Variants in THRAP3 observed in about 807,000 individuals in gnomAD.
THRAP3 encodes the protein thyroid hormone receptor-associated protein 3.
A neutral mutation model predicts 101.0 loss-of-function variants in THRAP3; 16 were observed. The observed-to-expected ratio is 0.16, with a 90% CI of 0.11 to 0.24. THRAP3 has a LOEUF of 0.24. Among genes scored for constraint, THRAP3 ranks in the 10% least tolerant of loss-of-function variants. The probability of loss-of-function intolerance (pLI) is 1.00; values close to 1 mark genes in which losing one functional copy is unlikely to be tolerated. For synonymous variants in THRAP3, 407 were observed against 422.6 expected (o/e 0.96, Z 0.45); for missense variants, 989 against 1,202.7 (o/e 0.82, Z 2.63).
intron 2 of THRAP3, among the ~76,000 whole-genome samples, chr1:36,278,145 A>G (rs1303885413): frequency 6.8e-6 from 1 of 147,990 alleles, no homozygotes; most frequent in Non-Finnish European, 1.5e-5. Flanking sequence ...GCTCACTGCA[A>G]CTTCCACCTC....
At chr1:36,236,229 A>G (rs1645086446) in intron 1 of THRAP3, among the ~76,000 whole-genome samples, 1 of 132,356 alleles carries the variant, frequency 7.6e-6, no homozygotes, top group African/African-American at 2.7e-5. Flanking sequence ...CAAAAGAAAA[A>G]AAAAAAAAAA....
chr1:36,304,239 G>A lies in THRAP3; in HGVS notation c.*222G>A. The A allele has an allele frequency of 2.0e-6, 1 of 502,976 alleles. No homozygotes were observed. The highest frequency in any genetic ancestry group is 3.3e-6 in the Non-Finnish European group (1 of 304,510). The allele number at this position is 502,976 out of a possible 1,614,324, so 31.2% of individuals were successfully genotyped here. A position where few individuals can be genotyped will look rare whatever the true frequency, so the allele number is the denominator to read the frequency against. On this transcript the variant is annotated 3_prime_UTR_variant, in exon 12 of 12. Coordinates refer to ENST00000354618, the MANE Select transcript of THRAP3 (RefSeq NM_005119.4). Reference sequence around the variant, plus strand: ...AGGGGTCAGGCCCAGCTTTTGAGCAGAATACAACGCATTGGGCTTTAGCTG... The same window carrying A: ...AGGGGTCAGGCCCAGCTTTTGAGCAAAATACAACGCATTGGGCTTTAGCTG...
rs1403768033 is a variant in THRAP3 at position 36,289,348 on chromosome 1, A to G, written c.1329A>G (p.Glu443=). 4 of 1,614,036 alleles carry G rather than the reference A, an allele frequency of 2.5e-6. No homozygotes were observed. The highest frequency in any genetic ancestry group is 3.4e-6 in the Non-Finnish European group (4 of 1,180,024). ...QDKDKAKGRK[E]SEFDDEPKFM... ...AGGACAAAGCTAAGGGAAGAAAGGA[A>G]TCTGAGTTTGATGATGAACCCAAAT... Residue 443 remains glutamate (E), a synonymous_variant, in exon 5 of 12, where the codon GAA becomes GAG. Transcript: ENST00000354618.
At chr1:36,209,027 A>T in the THRAP3 span, among the ~76,000 whole-genome samples, 9 of 117,918 alleles carry the variant, frequency 7.6e-5, no homozygotes, top group Admixed American at 9.7e-4. Context: ...CCCAGGCTGG[A>T]GTGCAGTGAT....
chr1:36,286,889 C>T lies in THRAP3; in HGVS notation c.659C>T (p.Ser220Leu), dbSNP rs756911545. The change falls in exon 4 of 12, where the codon TCG becomes TTG. Residue 220 changes from serine to leucine, a missense_variant. Transcript: ENST00000354618. The surrounding 1 kb of genome is among the most constrained non-coding windows in gnomAD (Gnocchi z 5.5). ...CAAGATACAAAAGCATCTGAGAGCT[C>T]GAAGCCATGGCCAGATGCCACCTAC... ...TSQDTKASES[S>L]KPWPDATYGT... The T allele has an allele frequency of 8.7e-6, 14 of 1,613,892 alleles. No individual in the cohort carries two copies. The highest frequency in any genetic ancestry group is 1.7e-5 in the Admixed American group (1 of 59,998).
In THRAP3 at chr1:36,289,690, A is replaced by G. The variant is rs900539950; in HGVS notation, c.1671A>G (p.Gly557=). 5.0e-6 allele frequency: 8 copies of G among 1,614,146 alleles called. No individual in the cohort carries two copies. The highest frequency in any genetic ancestry group is 6.8e-6 in the Non-Finnish European group (8 of 1,179,998). ...KLGAKGDFPT[G]KSSFSITREA... is the part of the protein sequence containing the mutation. Reference sequence around the variant, plus strand: ...GAGCGAAAGGAGATTTTCCCACAGGAAAGTCTTCCTTTTCCATTACTCGAG... The same window carrying G: ...GAGCGAAAGGAGATTTTCCCACAGGGAAGTCTTCCTTTTCCATTACTCGAG... Residue 557 remains glycine (G), a synonymous_variant, in exon 5 of 12, where the codon GGA becomes GGG. Transcript: ENST00000354618.
chr1:36,270,349 G>A (rs1181660037), intron 2 of THRAP3, among the ~76,000 whole-genome samples: 1 of 151,958 alleles, frequency 6.6e-6, no homozygotes, highest in East Asian at 1.9e-4. Flanking sequence ...AGCTATAATC[G>A]AGCCACTGCA....
intron 2 of THRAP3, among the ~76,000 whole-genome samples, chr1:36,279,098 T>G (rs12744171): frequency 6.6e-6 from 1 of 152,164 alleles, no homozygotes; most frequent in Non-Finnish European, 1.5e-5. Flanking sequence ...AATTGTTAAG[T>G]TTGGCTCTGT....
chr1:36,276,614 T>C (rs1645664264), intron 2 of THRAP3, among the ~76,000 whole-genome samples: 1 of 151,388 alleles, frequency 6.6e-6, no homozygotes, highest in African/African-American at 2.4e-5. Flanking sequence ...CCCAGCACTT[T>C]GGGAGGCTGA....
At chr1:36,298,939 T>A (rs1645994967) in intron 9 of THRAP3, among the ~76,000 whole-genome samples, 1 of 152,076 alleles carries the variant, frequency 6.6e-6, no homozygotes, top group Non-Finnish European at 1.5e-5. Flanking sequence ...GGACTACAGG[T>A]GTACACCATC....
chr1:36,209,636 T>A, the THRAP3 span, among the ~76,000 whole-genome samples: 1 of 152,128 alleles, frequency 6.6e-6, no homozygotes, highest in Admixed American at 6.6e-5. Flanking sequence ...AGCAAGTAGC[T>A]TGGAGGAGAT....
intron 1 of THRAP3, among the ~76,000 whole-genome samples, chr1:36,236,753 C>T (rs1645094605): frequency 6.6e-6 from 1 of 152,216 alleles, no homozygotes; most frequent in Non-Finnish European, 1.5e-5. Context: ...TACCTCTCAG[C>T]CCACAATGGA....
upstream of THRAP3, among the ~76,000 whole-genome samples, chr1:36,222,252 C>T (rs148067468): frequency 2.8e-4 from 43 of 152,132 alleles, no homozygotes; most frequent in African/African-American, 1.0e-3. Flanking sequence ...TAGGTCATAA[C>T]ACTAGTGCAC....
At chr1:36,262,238 T>C (rs1191467849) in intron 2 of THRAP3, among the ~76,000 whole-genome samples, 1 of 152,240 alleles carries the variant, frequency 6.6e-6, no homozygotes. Context: ...ATTTTATACC[T>C]GTAGCTCATC....
intron 1 of THRAP3, among the ~76,000 whole-genome samples, chr1:36,244,704 G>C (rs1209590683): frequency 1.3e-5 from 2 of 149,960 alleles, no homozygotes; most frequent in African/African-American, 4.9e-5. Flanking sequence ...ATATCTACCT[G>C]TACAATTTTA....
At chr1:36,258,006 A>C (rs1487179815) in intron 1 of THRAP3, among the ~76,000 whole-genome samples, 1 of 151,814 alleles carries the variant, frequency 6.6e-6, no homozygotes. Context: ...ATGCCCGGCT[A>C]CTTTTTGTAT....
intron 1 of THRAP3, among the ~76,000 whole-genome samples, chr1:36,254,943 A>G (rs1290684399): frequency 6.6e-6 from 1 of 152,150 alleles, no homozygotes; most frequent in Non-Finnish European, 1.5e-5. Context: ...TTTTCTCTCC[A>G]AACCCATTTA....
chr1:36,291,729 C>T (rs1645871094), intron 6 of THRAP3, among the ~76,000 whole-genome samples, 183 bp downstream of exon 6: 1 of 152,204 alleles, frequency 6.6e-6, no homozygotes, highest in Admixed American at 6.5e-5. Context: ...CAGAGCTTAG[C>T]ATTTTGAAAT....
chr1:36,285,558 TC>T (rs1207169205), intron 3 of THRAP3, among the ~76,000 whole-genome samples: 1 of 152,184 alleles, frequency 6.6e-6, no homozygotes, highest in East Asian at 1.9e-4. Flanking sequence ...ACACTAGCCT[TC>T]TGTGCACACC....
Sources: gnomAD v4.1 joint callset for allele counts (sites outside exome capture counted in the v4.1 genomes callset) on GRCh38, gnomAD v4.1.1 for gene constraint, Gnocchi (gnomAD v3.1) non-coding constraint, MANE v1.5 for transcripts, NCBI Gene and HGNC (gene_info 2026-07-23, HGNC 2026-07-21) for gene names.